Variants in EBF1 observed in about 807,000 individuals in gnomAD.
EBF1 encodes transcription factor COE1.
In EBF1, 10 loss-of-function variants were observed where a neutral mutation model predicts 68.4. The observed-to-expected ratio is 0.15, with a 90% CI of 0.09 to 0.25. The LOEUF (loss-of-function observed/expected upper bound fraction) is 0.25. EBF1 is among the 10% of genes least tolerant of loss of function. The pLI is 1.00. For missense variants in EBF1, 509 were observed against 794.4 expected (o/e 0.64, Z 4.32); for synonymous variants, 298 against 299.8 (o/e 0.99, Z 0.06).
chr5:158,862,271 C>T (rs1795083778), intron 6 of EBF1, among the ~76,000 whole-genome samples: 1 of 152,008 alleles, frequency 6.6e-6, no homozygotes, highest in African/African-American at 2.4e-5. Context: ...CCAAAGTAGG[C>T]TGGGAAAACT....
Position 158,714,145 on chromosome 5 carries a change from G to C in EBF1, c.1163C>G (p.Ala388Gly), listed in dbSNP as rs1333202050. 1 of 1,614,114 alleles carries C rather than the reference G, an allele frequency of 6.2e-7. No homozygotes were observed. Among genetic ancestry groups the C allele is most frequent in the Non-Finnish European group, 8.5e-7 (1 of 1,180,042 alleles). ...ILKRAADLVEALYGMPHNNQE... is the reference protein window; with the variant it reads ...ILKRAADLVEGLYGMPHNNQE... ...GTTGTTGTGTGGCATCCCATACAGTGCTTCTACCAGATCCGCAGCCCTTTT... is the reference window on the plus strand; with the variant it reads ...GTTGTTGTGTGGCATCCCATACAGTCCTTCTACCAGATCCGCAGCCCTTTT... Residue 388 changes from alanine to glycine, a missense_variant, in exon 12 of 16, where the codon GCA becomes GGA. Transcript: ENST00000313708.
At chr5:158,904,721 C>T (rs1302894453) in intron 6 of EBF1, among the ~76,000 whole-genome samples, 7 of 152,146 alleles carry the variant, frequency 4.6e-5, no homozygotes, top group Admixed American at 3.9e-4. Flanking sequence ...CCTACAGAAC[C>T]GCCTTCCTCT....
At chr5:158,840,804 T>C (rs187608110) in intron 6 of EBF1, among the ~76,000 whole-genome samples, 1,613 of 149,576 alleles carry the variant, frequency 0.011, 23 homozygotes, top group African/African-American at 0.037. Flanking sequence ...CCCAAGTAGC[T>C]GGGACTACAG....
chr5:158,785,675 C>G (rs1777286562), intron 9 of EBF1, among the ~76,000 whole-genome samples: 1 of 152,156 alleles, frequency 6.6e-6, no homozygotes, highest in African/African-American at 2.4e-5. Flanking sequence ...CCAAAATATG[C>G]TGAGTCACAT....
At chr5:159,008,526 T>C (rs1450496073) in intron 6 of EBF1, among the ~76,000 whole-genome samples, 1 of 127,388 alleles carries the variant, frequency 7.9e-6, no homozygotes, top group Non-Finnish European at 1.8e-5. Flanking sequence ...TTTCTTTTCT[T>C]TTTTTTTTTT....
intron 6 of EBF1, among the ~76,000 whole-genome samples, chr5:159,034,248 A>T (rs1769559283): frequency 6.6e-6 from 1 of 152,204 alleles, no homozygotes; most frequent in Admixed American, 6.5e-5. Context: ...ACAAAGATAC[A>T]GGCCTATTGT....
chr5:158,878,580 C>T (rs1032130945), intron 6 of EBF1, among the ~76,000 whole-genome samples: 3 of 151,722 alleles, frequency 2.0e-5, no homozygotes, highest in Admixed American at 1.3e-4. Flanking sequence ...AACAAGGAAA[C>T]TGACACTCAG....
chr5:158,824,242 C>A (rs527906669), intron 7 of EBF1, among the ~76,000 whole-genome samples: 11 of 152,158 alleles, frequency 7.2e-5, no homozygotes, highest in Non-Finnish European at 1.3e-4. Context: ...AGCAATCAGC[C>A]CGCTCCCGTT....
chr5:158,839,731 G>C (rs1223736741), intron 7 of EBF1, among the ~76,000 whole-genome samples: 1 of 152,134 alleles, frequency 6.6e-6, no homozygotes, highest in Non-Finnish European at 1.5e-5. Flanking sequence ...TTAGACAAAG[G>C]ATTCATCATT....
intron 11 of EBF1, among the ~76,000 whole-genome samples, chr5:158,717,911 G>C (rs1561726713): frequency 6.6e-6 from 1 of 152,182 alleles, no homozygotes; most frequent in Non-Finnish European, 1.5e-5. Context: ...TGATGGTTAT[G>C]TGAGTGGGGT....
At chr5:158,829,383 C>T (rs1319284576) in intron 7 of EBF1, among the ~76,000 whole-genome samples, 1 of 150,672 alleles carries the variant, frequency 6.6e-6, no homozygotes, top group African/African-American at 2.4e-5. Context: ...CAGGGTTTCA[C>T]CATGTTGCCC....
intron 6 of EBF1, among the ~76,000 whole-genome samples, chr5:158,989,189 C>T (rs1012055547): frequency 4.6e-5 from 7 of 152,166 alleles, no homozygotes; most frequent in African/African-American, 9.7e-5. Flanking sequence ...AGCTGGACAG[C>T]GACAGTCTGT....
intron 6 of EBF1, among the ~76,000 whole-genome samples, chr5:158,844,148 A>T (rs934144069): frequency 6.6e-6 from 1 of 151,342 alleles, no homozygotes; most frequent in African/African-American, 2.4e-5. Context: ...AAACTCCAGG[A>T]AACAGCCTGA....
At chr5:158,966,273 G>A (rs571316138) in intron 6 of EBF1, among the ~76,000 whole-genome samples, 47 of 152,142 alleles carry the variant, frequency 3.1e-4, no homozygotes, top group Admixed American at 1.4e-3. Flanking sequence ...AAGTAACAGC[G>A]GTTTTAAAAT....
intron 6 of EBF1, among the ~76,000 whole-genome samples, chr5:158,976,950 T>C (rs867050540): frequency 2.0e-5 from 3 of 152,332 alleles, no homozygotes; most frequent in Middle Eastern, 6.8e-3. Flanking sequence ...TCAGTTCAAT[T>C]CATTTTCAGG....
intron 5 of EBF1, among the ~76,000 whole-genome samples, chr5:159,077,418 G>T (rs1232511243): frequency 6.6e-6 from 1 of 152,140 alleles, no homozygotes; most frequent in Non-Finnish European, 1.5e-5. Context: ...TGGGTGACAA[G>T]AGCAAAACTC....
At position 158,790,315 on chromosome 5, in the gene EBF1, G is replaced by C. The variant is rs534474954; in HGVS notation, c.909+6030C>G. On this transcript the variant is annotated intron_variant, in intron 9 of 15. Coordinates refer to ENST00000313708, the MANE Select transcript of EBF1 (RefSeq NM_024007.5). ...TTGTTCAAAGCCTTGCAGCATTGGAGAATAATGGCTCTAAACATTCCTGGT... is the reference window on the plus strand; with the variant it reads ...TTGTTCAAAGCCTTGCAGCATTGGACAATAATGGCTCTAAACATTCCTGGT... Among the ~76,000 whole-genome samples, 5 of 152,302 alleles carry C rather than the reference G, an allele frequency of 3.3e-5. No individual in the cohort carries two copies. In the South Asian group the frequency reaches 1.0e-3, roughly 32 times the overall value.
chr5:158,840,660 T>TG (rs1562086345), intron 6 of EBF1, among the ~76,000 whole-genome samples: 60 of 93,798 alleles, frequency 6.4e-4, no homozygotes, highest in African/African-American at 2.4e-3. Context: ...TTTTTTTTTT[T>TG]TTTTTTTTTT....
intron 6 of EBF1, among the ~76,000 whole-genome samples, chr5:159,068,184 A>G: frequency 6.6e-6 from 1 of 152,202 alleles, no homozygotes; most frequent in East Asian, 1.9e-4. Context: ...CTTTAATAAA[A>G]TTATATATTT....
Sources: allele counts gnomAD v4.1 joint callset (sites outside exome capture counted in the v4.1 genomes callset), GRCh38; gene constraint gnomAD v4.1.1; transcripts MANE v1.5; gene names NCBI Gene and HGNC (gene_info 2026-07-23, HGNC 2026-07-21).